The following CRYBG1 variants were observed in gnomAD, a reference collection of about 807,000 sequenced individuals.
The protein encoded by CRYBG1 is crystallin beta-gamma domain containing 1.
In CRYBG1, 139 loss-of-function variants were observed where a neutral mutation model predicts 189.2. The ratio of observed to expected loss-of-function variants is 0.73; its 90% confidence interval spans 0.64 to 0.85. CRYBG1 has a LOEUF of 0.85. CRYBG1 is among the 40% of genes least tolerant of loss of function. The pLI, the probability that CRYBG1 is intolerant of heterozygous loss-of-function variation, is 0.00. For missense variants in CRYBG1, 2,611 were observed against 2,675.8 expected (o/e 0.98, Z 0.53); for synonymous variants, 1,023 against 1,017.1 (o/e 1.01, Z -0.11).
At chr6:106,388,813 A>G (rs1770440168) in intron 1 of CRYBG1, among the ~76,000 whole-genome samples, 1 of 152,240 alleles carries the variant, frequency 6.6e-6, no homozygotes, top group Admixed American at 6.5e-5. Context: ...GCCATCTTGT[A>G]AAATCACTAG....
At chr6:106,460,634 G>T (rs922652911) in intron 2 of CRYBG1, among the ~76,000 whole-genome samples, 1 of 152,134 alleles carries the variant, frequency 6.6e-6, no homozygotes, top group African/African-American at 2.4e-5. Flanking sequence ...ATCCAGAGAT[G>T]GGGAGCAGGA....
At chr6:106,369,564 A>G (rs905340508) in intron 1 of CRYBG1, among the ~76,000 whole-genome samples, 1 of 152,242 alleles carries the variant, frequency 6.6e-6, no homozygotes, top group African/African-American at 2.4e-5. Context: ...TAGTAGCATA[A>G]GCTCATGATA....
chr6:106,535,418 A>G (rs9486382), intron 8 of CRYBG1, among the ~76,000 whole-genome samples: 45,991 of 152,110 alleles, frequency 0.3, 7,289 homozygotes, highest in South Asian at 0.37. Context: ...TTATCATTTT[A>G]CCATATTTGT....
intron 8 of CRYBG1, among the ~76,000 whole-genome samples, chr6:106,533,382 T>C (rs1773918195): frequency 6.6e-6 from 1 of 152,242 alleles, no homozygotes; most frequent in African/African-American, 2.4e-5. Flanking sequence ...CTTTCACGCC[T>C]TGGGGAGGAG....
At chr6:106,480,215 A>G (rs1229200505) in intron 2 of CRYBG1, among the ~76,000 whole-genome samples, 1 of 152,158 alleles carries the variant, frequency 6.6e-6, no homozygotes, top group Non-Finnish European at 1.5e-5. Context: ...TCATAAGCCC[A>G]GTGCTATGTG....
rs112170050 is a variant in CRYBG1 at position 106,544,067 on chromosome 6, T to A, written c.5039+470T>A. ...AACTCTGTCAAGGAAGGCTGATACA[T>A]TGGCCTGTTCAAGTTGATCAAATCT... On this transcript the variant is annotated intron_variant, in intron 11 of 21. Coordinates refer to ENST00000633556, the MANE Select transcript of CRYBG1 (RefSeq NM_001371242.2). Among the ~76,000 whole-genome samples, 366 of 152,300 alleles carry A rather than the reference T, an allele frequency of 2.4e-3. 4 individuals are homozygous for A. Among genetic ancestry groups the A allele is most frequent in the African/African-American group, 8.5e-3 (352 of 41,566 alleles).
intron 1 of CRYBG1, among the ~76,000 whole-genome samples, chr6:106,412,035 T>A (rs1306931966): frequency 2.6e-5 from 4 of 152,246 alleles, no homozygotes; most frequent in Non-Finnish European, 5.9e-5. Flanking sequence ...CTGACTGAAA[T>A]GTCAGTCTCC....
At chr6:106,532,335 C>T (rs1773895915) in intron 8 of CRYBG1, among the ~76,000 whole-genome samples, 1 of 152,150 alleles carries the variant, frequency 6.6e-6, no homozygotes, top group Non-Finnish European at 1.5e-5. Flanking sequence ...GATTCTGTAT[C>T]TTGGCTATTA....
intron 2 of CRYBG1, among the ~76,000 whole-genome samples, chr6:106,482,977 T>C (rs1238846030): frequency 6.6e-6 from 1 of 152,208 alleles, no homozygotes; most frequent in Non-Finnish European, 1.5e-5. Flanking sequence ...GCATTTATCA[T>C]TTCTTTGTGG....
intron 13 of CRYBG1, among the ~76,000 whole-genome samples, chr6:106,548,040 A>G (rs1327729050): frequency 6.6e-6 from 1 of 152,226 alleles, no homozygotes; most frequent in Non-Finnish European, 1.5e-5. Context: ...ACGGAAGGGC[A>G]GGTTTACCCT....
Position 106,512,486 on chromosome 6 carries a change from G to A in CRYBG1, c.1369G>A (p.Ala457Thr), listed in dbSNP as rs765002885. Reference protein sequence around the residue: ...VFDDEVAPNAASDNASAEKKV... With the variant: ...VFDDEVAPNATSDNASAEKKV... The stretch of plus-strand genomic sequence containing the variant: ...CGACGACGAGGTGGCGCCAAACGCG[G>A]CCAGCGATAACGCCTCGGCGGAAAA... The change falls in exon 3 of 22, where the codon GCC (alanine) becomes ACC (threonine). Residue 457 changes from alanine (A) to threonine (T), a missense_variant. Coordinates refer to ENST00000633556, the MANE Select transcript of CRYBG1 (RefSeq NM_001371242.2). The A allele has an allele frequency of 3.1e-6, 5 of 1,611,410 alleles. No homozygotes were observed. In the South Asian group the frequency reaches 4.4e-5, roughly 14 times the overall value.
intron 1 of CRYBG1, among the ~76,000 whole-genome samples, chr6:106,449,037 T>C (rs1276284778): frequency 6.6e-6 from 1 of 152,200 alleles, no homozygotes; most frequent in African/African-American, 2.4e-5. Flanking sequence ...TGATAATATA[T>C]TTTGTTTTTT....
At chr6:106,462,906 C>A (rs1372313659) in intron 2 of CRYBG1, among the ~76,000 whole-genome samples, 1 of 152,178 alleles carries the variant, frequency 6.6e-6, no homozygotes, top group Non-Finnish European at 1.5e-5. Context: ...GTAATCCCAG[C>A]AGTTTGGGAA....
At position 106,519,212 on chromosome 6, in the gene CRYBG1, TAGCC is replaced by T. The variant is rs774302470; in HGVS notation, c.2011_2014del (p.Pro671PhefsTer46). ...GTTTGGGAAATGAGCACAATCCATT[TAGCC>T]AGCCAGTTCACAAAGGCAACACTGC... On this transcript the variant is annotated frameshift_variant, in exon 4 of 22. Transcript: ENST00000633556. LOFTEE classifies it high-confidence loss of function. 6.2e-7 allele frequency: 1 copy of T among 1,614,122 alleles called. No homozygotes were observed. Among genetic ancestry groups the T allele is most frequent in the South Asian group, 1.1e-5 (1 of 91,088 alleles).
At chr6:106,422,344 A>ATTTATTTATTTTTTTTTTTTTTTTTTTG (rs57640822) in intron 1 of CRYBG1, among the ~76,000 whole-genome samples, 1 of 139,928 alleles carries the variant, frequency 7.1e-6, no homozygotes, top group African/African-American at 2.7e-5. Context: ...TTATTTATTT[A>ATTTATTTATTTTTTTTTTTTTTTTTTTG]TTTTTGAGAC....
chr6:106,387,338 G>A (rs1330429069), intron 1 of CRYBG1, among the ~76,000 whole-genome samples: 2 of 152,182 alleles, frequency 1.3e-5, no homozygotes, highest in Non-Finnish European at 2.9e-5. Context: ...GGAGGGAAAA[G>A]GAAGCTGAGG....
At chr6:106,508,427 T>C (rs1413415609) in intron 2 of CRYBG1, among the ~76,000 whole-genome samples, 1 of 152,206 alleles carries the variant, frequency 6.6e-6, no homozygotes, top group African/African-American at 2.4e-5. Flanking sequence ...AATCAAGATA[T>C]AGAACTTTAA....
chr6:106,413,156 T>C (rs566505668), intron 1 of CRYBG1, among the ~76,000 whole-genome samples: 1 of 152,206 alleles, frequency 6.6e-6, no homozygotes, highest in South Asian at 2.1e-4. Context: ...TAGCCAGCAA[T>C]TCCTGCAGAA....
chr6:106,523,074 G>A lies in CRYBG1; in HGVS notation c.4245+1621G>A, dbSNP rs533785222. 3.3e-5 allele frequency among the ~76,000 whole-genome samples: 5 copies of A among 152,268 alleles called. No homozygotes were observed. The East Asian group carries it at 7.7e-4, about 23-fold the overall frequency. ...ACACTGCACCAGTGCTCAGAGCAAC[G>A]ATGTCATCACACATCATGGAGCCTT... is the stretch of plus-strand genomic sequence containing the variant. On this transcript the variant is annotated intron_variant, in intron 4 of 21. Transcript: ENST00000633556.
Sources: allele counts gnomAD v4.1 joint callset (sites outside exome capture counted in the v4.1 genomes callset), GRCh38; gene constraint gnomAD v4.1.1; transcripts MANE v1.5; gene names NCBI Gene and HGNC (gene_info 2026-07-23, HGNC 2026-07-21).